Variants in TNFAIP8 observed in about 807,000 individuals in gnomAD.
TNFAIP8 encodes the protein TNF alpha induced protein 8, also known as tumor necrosis factor alpha-induced protein 8.
In TNFAIP8, 7 loss-of-function variants were observed where a neutral mutation model predicts 13.3. That is an observed-to-expected ratio of 0.52 (90% CI 0.30 to 0.99). The LOEUF (loss-of-function observed/expected upper bound fraction) is 0.99, where lower values mean the gene tolerates loss of function less well. Ranked by LOEUF, TNFAIP8 falls within the 50% of genes least tolerant of loss-of-function variation. TNFAIP8 has a pLI of 0.07. For missense variants in TNFAIP8, 258 were observed against 236.9 expected, an observed-to-expected ratio of 1.09 and a Z score of -0.58; for synonymous variants, 94 against 87.6, an observed-to-expected ratio of 1.07 and a Z score of -0.41.
In TNFAIP8 at chr5:119,392,884, G is replaced by A. The variant is rs1425584767; in HGVS notation, c.100G>A (p.Val34Met). ...QAQKKILGKM[V>M]SKSIATTLID... The stretch of plus-strand genomic sequence containing the variant: ...ACAAAAGAAGATCTTGGGTAAAATG[G>A]TGTCCAAATCCATCGCCACCACCTT... Residue 34 changes from valine (V) to methionine (M), a missense_variant, in exon 2 of 2, where the codon GTG becomes ATG. Val to Met is a conservative substitution (Grantham distance 21). Transcript: ENST00000504771. 2.5e-6 allele frequency: 4 copies of A among 1,579,756 alleles called. No individual in the cohort carries two copies. The highest frequency in any genetic ancestry group is 3.4e-6 in the Non-Finnish European group (4 of 1,162,924).
At chr5:119,374,747 G>C (rs1011268743) in intron 1 of TNFAIP8, among the ~76,000 whole-genome samples, 1 of 152,146 alleles carries the variant, frequency 6.6e-6, no homozygotes, top group South Asian at 2.1e-4. Flanking sequence ...TGGAATGGCC[G>C]GGGGGCTAAT....
intron 1 of TNFAIP8, among the ~76,000 whole-genome samples, chr5:119,293,841 T>G (rs1329489548): frequency 6.6e-6 from 1 of 152,186 alleles, no homozygotes; most frequent in African/African-American, 2.4e-5. Flanking sequence ...CATGAATGCT[T>G]GAAAATTTGA....
At chr5:119,325,945 G>A (rs1409771399) in intron 1 of TNFAIP8, among the ~76,000 whole-genome samples, 4 of 152,198 alleles carry the variant, frequency 2.6e-5, no homozygotes, top group African/African-American at 7.2e-5. Context: ...AGTGGTCTCC[G>A]TCAGAACCTC....
intron 1 of TNFAIP8, among the ~76,000 whole-genome samples, chr5:119,368,437 G>A (rs897779813): frequency 7.4e-6 from 1 of 135,446 alleles, no homozygotes; most frequent in Non-Finnish European, 1.6e-5. Context: ...CAGCGTGTGT[G>A]TGTGTGTGTG....
At chr5:119,353,264 T>C (rs1751244140), upstream of TNFAIP8, among the ~76,000 whole-genome samples, 1 of 152,224 alleles carries the variant, frequency 6.6e-6, no homozygotes, top group Admixed American at 6.5e-5. Flanking sequence ...TCACTGGGGC[T>C]AAGAAGTAAA....
intron 1 of TNFAIP8, among the ~76,000 whole-genome samples, chr5:119,334,138 C>CAAA (rs1750471380): frequency 9.2e-6 from 1 of 108,224 alleles, no homozygotes; most frequent in African/African-American, 5.1e-5. Context: ...TCTCTAACAA[C>CAAA]CAAAAAAAAA....
intron 1 of TNFAIP8, among the ~76,000 whole-genome samples, chr5:119,364,871 A>G (rs1264467153): frequency 4.3e-5 from 2 of 46,424 alleles, no homozygotes; most frequent in Non-Finnish European, 7.6e-5. Flanking sequence ...TTTTTTTTTG[A>G]GATGGAGTCT....
intron 1 of TNFAIP8, among the ~76,000 whole-genome samples, chr5:119,330,987 G>T (rs936723518): frequency 3.3e-5 from 5 of 152,064 alleles, no homozygotes; most frequent in African/African-American, 1.2e-4. Context: ...ATATTCCTGA[G>T]CACAAATTGC....
intron 1 of TNFAIP8, among the ~76,000 whole-genome samples, chr5:119,316,731 C>T (rs916348951): frequency 6.6e-6 from 1 of 152,192 alleles, no homozygotes; most frequent in African/African-American, 2.4e-5. Flanking sequence ...TTAAAACCTC[C>T]TCAGATGCTT....
intron 1 of TNFAIP8, among the ~76,000 whole-genome samples, chr5:119,296,594 G>T (rs1045806305): frequency 6.6e-6 from 1 of 151,912 alleles, no homozygotes. Flanking sequence ...TCTCTTTTTT[G>T]GTTGTGCCTG....
chr5:119,294,941 G>GC (rs971756099), intron 1 of TNFAIP8, among the ~76,000 whole-genome samples: 1 of 151,608 alleles, frequency 6.6e-6, no homozygotes, highest in African/African-American at 2.4e-5. Context: ...CTGGATATTA[G>GC]CCCTTTGTCA....
intron 1 of TNFAIP8, among the ~76,000 whole-genome samples, chr5:119,378,674 A>G (rs1030357156): frequency 2.0e-5 from 3 of 152,234 alleles, no homozygotes; most frequent in Non-Finnish European, 4.4e-5. Context: ...CACTTCTCCA[A>G]ACAAAAGTAG....
At chr5:119,302,585 C>T (rs1001060583) in intron 1 of TNFAIP8, among the ~76,000 whole-genome samples, 4 of 152,186 alleles carry the variant, frequency 2.6e-5, no homozygotes, top group Non-Finnish European at 5.9e-5. Context: ...ATAACATCAT[C>T]TTCTGCCACT....
At chr5:119,374,002 A>G (rs998889734) in intron 1 of TNFAIP8, among the ~76,000 whole-genome samples, 1 of 152,148 alleles carries the variant, frequency 6.6e-6, no homozygotes, top group African/African-American at 2.4e-5. Context: ...ATGGTTTTAA[A>G]CATTTTTTAA....
At chr5:119,353,999 G>A (rs1303380599), upstream of TNFAIP8, among the ~76,000 whole-genome samples, 1 of 152,216 alleles carries the variant, frequency 6.6e-6, no homozygotes, top group Non-Finnish European at 1.5e-5. Flanking sequence ...CATCTGGGTT[G>A]CAGTGAGGAA....
intron 1 of TNFAIP8, among the ~76,000 whole-genome samples, chr5:119,280,749 A>G (rs1322705652): frequency 6.6e-6 from 1 of 152,140 alleles, no homozygotes; most frequent in Non-Finnish European, 1.5e-5. Context: ...ATTAGCTGGA[A>G]TAATTTTATA....
rs1753076523 is a variant in TNFAIP8, at chr5:119,396,517, C to T, written c.*3136C>T. ...CATGACAAGGCACTCAATGTGCATT[C>T]ACCAAGAGAAGCAAGGAAGCAGCAG... On this transcript the variant is annotated 3_prime_UTR_variant, in exon 2 of 2. Transcript: ENST00000504771. 1 of 152,190 alleles carries T rather than the reference C, an allele frequency of 6.6e-6. No homozygotes were observed. The highest frequency in any genetic ancestry group is 2.4e-5 in the African/African-American group (1 of 41,446). The allele number at this position is 152,190 out of a possible 1,614,324, so 9.4% of individuals were successfully genotyped here.
rs1753119802 is a variant in TNFAIP8, at chr5:119,398,265, G to A, written c.*4884G>A. 1 of 152,188 alleles carries A rather than the reference G, an allele frequency of 6.6e-6. No individual in the cohort carries two copies. The highest frequency in any genetic ancestry group is 2.4e-5 in the African/African-American group (1 of 41,444). The allele number at this position is 152,188 out of a possible 1,614,324, so 9.4% of individuals were successfully genotyped here. On this transcript the variant is annotated 3_prime_UTR_variant, in exon 2 of 2. Coordinates refer to ENST00000504771, the MANE Select transcript of TNFAIP8 (RefSeq NM_014350.4). ...GTAGATGATCAGGCACTTGCGGTTT[G>A]TTCTTAATACAAGAAAGACAATTTG...
chr5:119,384,424 A>G (rs1039885387), intron 1 of TNFAIP8, among the ~76,000 whole-genome samples: 23 of 152,268 alleles, frequency 1.5e-4, no homozygotes, highest in African/African-American at 5.5e-4. Flanking sequence ...TGGAGGTTGC[A>G]TTGAGCCGAG....
Sources: allele counts gnomAD v4.1 joint callset (sites outside exome capture counted in the v4.1 genomes callset), GRCh38; gene constraint gnomAD v4.1.1; transcripts MANE v1.5; gene names NCBI Gene and HGNC (gene_info 2026-07-23, HGNC 2026-07-21).